FBXO3: variants seen among roughly 807,000 people sequenced by gnomAD.
The protein encoded by FBXO3 is F-box only protein 3.
In FBXO3, 17 loss-of-function variants were observed where a neutral mutation model predicts 64.8. The observed-to-expected ratio is 0.26, with a 90% CI of 0.18 to 0.39. The LOEUF is 0.39. Among genes scored for constraint, FBXO3 ranks in the 10% least tolerant of loss-of-function variants. The pLI, the probability that FBXO3 is intolerant of heterozygous loss-of-function variation, is 1.00. For missense variants in FBXO3, 420 were observed against 589.9 expected, an observed-to-expected ratio of 0.71 and a Z score of 2.98; for synonymous variants, 182 against 201.6, an observed-to-expected ratio of 0.90 and a Z score of 0.82.
At position 33,774,504 on chromosome 11, in the gene FBXO3, T is replaced by C. The variant is rs1855593984; in HGVS notation, c.-7A>G. On this transcript the variant is annotated 5_prime_UTR_variant, in exon 1 of 11. Coordinates refer to ENST00000265651, the MANE Select transcript of FBXO3 (RefSeq NM_012175.4). ...CGGTCTCCATGGCCGCCATCTTGCC[T>C]GGCCCGGTGCAGGTCTGGCCCCGCC... The C allele has an allele frequency of 1.3e-6, 2 of 1,535,904 alleles. No individual in the cohort carries two copies. Among genetic ancestry groups the C allele is most frequent in the Non-Finnish European group, 1.8e-6 (2 of 1,142,708 alleles).
At position 33,774,514 on chromosome 11, in the gene FBXO3, C is replaced by G. The variant is rs763078724; in HGVS notation, c.-17G>C. 2 of 1,482,062 alleles carry G rather than the reference C, an allele frequency of 1.3e-6. No homozygotes were observed. Among genetic ancestry groups the G allele is most frequent in the Non-Finnish European group, 8.9e-7 (1 of 1,118,136 alleles). The allele number at this position is 1,482,062 out of a possible 1,614,324, so 91.8% of individuals were successfully genotyped here. A position where few individuals can be genotyped will look rare whatever the true frequency, so the allele number is the denominator to read the frequency against. On this transcript the variant is annotated 5_prime_UTR_variant, in exon 1 of 11. Coordinates refer to ENST00000265651, the MANE Select transcript of FBXO3 (RefSeq NM_012175.4). ...GGCCGCCATCTTGCCTGGCCCGGTG[C>G]AGGTCTGGCCCCGCCCTGGCCCCGC...
At chr11:33,752,833 A>C (rs989938607) in intron 6 of FBXO3, among the ~76,000 whole-genome samples, 1 of 152,124 alleles carries the variant, frequency 6.6e-6, no homozygotes, top group South Asian at 2.1e-4. Flanking sequence ...TTGTGGAAAA[A>C]AGTTATATAA....
intron 6 of FBXO3, 27 bp downstream of exon 6, chr11:33,754,428 G>C (rs751733240): frequency 6.5e-7 from 1 of 1,547,150 alleles, no homozygotes; most frequent in African/African-American, 1.4e-5. Context: ...AAGAAGAAGG[G>C]GGAAAAAAGA....
At position 33,751,937 on chromosome 11, in the gene FBXO3, T is replaced by G. The variant is rs77177179; in HGVS notation, c.725-330A>C. On this transcript the variant is annotated intron_variant, in intron 6 of 10. Transcript: ENST00000265651. ...GAATGAAAAGCCTTCTGTCTGTAATTTATTGAACATATAGAACAAAGAAAA... is the reference window on the plus strand; with the variant it reads ...GAATGAAAAGCCTTCTGTCTGTAATGTATTGAACATATAGAACAAAGAAAA... Among the ~76,000 whole-genome samples, 561 of 152,320 alleles carry G rather than the reference T, an allele frequency of 3.7e-3. 2 individuals carry two copies. The highest frequency in any genetic ancestry group is 0.013 in the African/African-American group (525 of 41,564).
intron 6 of FBXO3, chr11:33,753,048 G>C (rs1228576890): frequency 2.6e-5 from 4 of 152,160 alleles, no homozygotes; most frequent in Non-Finnish European, 4.4e-5. Flanking sequence ...CATTTTGTGT[G>C]TTACCAGTCT....
chr11:33,741,763 A>T lies in FBXO3; in HGVS notation c.*145T>A. 1.5e-6 allele frequency: 1 copy of T among 676,126 alleles called. No homozygotes were observed. Among genetic ancestry groups the T allele is most frequent in the Non-Finnish European group, 2.2e-6 (1 of 460,126 alleles). 41.9% of individuals were successfully genotyped at this position (676,126 alleles called of 1,614,324 possible). On this transcript the variant is annotated 3_prime_UTR_variant, in exon 11 of 11. Coordinates refer to ENST00000265651, the MANE Select transcript of FBXO3 (RefSeq NM_012175.4). The stretch of plus-strand genomic sequence containing the variant: ...ACCCAAACAATCCAATTCCTAATGT[A>T]GTGTCACATAGAACCCAGGGCCTGA...
In FBXO3 at chr11:33,765,715, C is replaced by T. The variant is rs568435536; in HGVS notation, c.358+3136G>A. On this transcript the variant is annotated intron_variant, in intron 3 of 10. Transcript: ENST00000265651. ...TTGGATCATGGGGTGGATTTTTTCT[C>T]ATGAATGGTTTAGCATCCTTCCCTT... 4.6e-5 allele frequency among the ~76,000 whole-genome samples: 7 copies of T among 152,230 alleles called. No homozygotes were observed. The South Asian group carries it at 1.5e-3, about 32-fold the overall frequency.
chr11:33,757,336 C>G (rs10836105), intron 4 of FBXO3, among the ~76,000 whole-genome samples: 16,927 of 151,218 alleles, frequency 0.11, 1,386 homozygotes, highest in African/African-American at 0.22. Flanking sequence ...CTACTTTTAC[C>G]CAAAAGTTCC....
At chr11:33,745,350 C>T (rs1011123042) in intron 10 of FBXO3, 12 of 149,634 alleles carry the variant, frequency 8.0e-5, no homozygotes, top group African/African-American at 1.5e-4. Flanking sequence ...AACTGTCAAC[C>T]GATTTGACCT....
chr11:33,746,132 A>G (rs1407220093), intron 10 of FBXO3: 1 of 152,510 alleles, frequency 6.6e-6, no homozygotes, highest in Non-Finnish European at 1.5e-5. Context: ...TCCCACAAAC[A>G]GAACTCTAGC....
At chr11:33,744,709 G>A (rs549143222) in intron 10 of FBXO3, 1 of 152,188 alleles carries the variant, frequency 6.6e-6, no homozygotes, top group South Asian at 2.1e-4. Flanking sequence ...GTTTATTTGT[G>A]GTTAGAAGGA....
At chr11:33,767,244 C>G (rs1855395391) in intron 3 of FBXO3, among the ~76,000 whole-genome samples, 1 of 152,172 alleles carries the variant, frequency 6.6e-6, no homozygotes, top group Non-Finnish European at 1.5e-5. Context: ...TGCTCTATAT[C>G]CAAATCCTGG....
At chr11:33,770,952 C>G in intron 1 of FBXO3, 122 bp from the exon 2 acceptor site, 1 of 699,408 alleles carries the variant, frequency 1.4e-6, no homozygotes, top group South Asian at 2.4e-5. Flanking sequence ...CACTTATTAC[C>G]CTTATAATTA....
At chr11:33,751,668 G>A in intron 6 of FBXO3, 61 bp from the exon 7 acceptor site, 1 of 949,804 alleles carries the variant, frequency 1.1e-6, no homozygotes, top group Non-Finnish European at 1.6e-6. Context: ...AATCTATACA[G>A]GAAACAATTG....
At position 33,741,699 on chromosome 11, in the gene FBXO3, G is replaced by C; in HGVS notation, c.*209C>G. ...ACTGACTCCTGGAAGAGAAAAAAAAGATTCCCATTTCTTCCTCTACCTCAA... is the reference window on the plus strand; with the variant it reads ...ACTGACTCCTGGAAGAGAAAAAAAACATTCCCATTTCTTCCTCTACCTCAA... On this transcript the variant is annotated 3_prime_UTR_variant, in exon 11 of 11. Coordinates refer to ENST00000265651, the MANE Select transcript of FBXO3 (RefSeq NM_012175.4). 2.5e-6 allele frequency: 1 copy of C among 395,040 alleles called. No individual in the cohort carries two copies. Among genetic ancestry groups the C allele is most frequent in the Non-Finnish European group, 4.4e-6 (1 of 227,042 alleles). The allele number at this position is 395,040 out of a possible 1,614,324, so 24.5% of individuals were successfully genotyped here.
At chr11:33,764,996 T>A (rs1027766030) in intron 3 of FBXO3, among the ~76,000 whole-genome samples, 44 of 151,794 alleles carry the variant, frequency 2.9e-4, no homozygotes, top group Non-Finnish European at 7.4e-5. Flanking sequence ...CAAAAAAAAC[T>A]GTCAAGGTCA....
At chr11:33,762,390 C>T (rs1179124183) in intron 3 of FBXO3, among the ~76,000 whole-genome samples, 3 of 152,150 alleles carry the variant, frequency 2.0e-5, no homozygotes, top group South Asian at 2.1e-4. Flanking sequence ...GATCACATAC[C>T]GGACCACAGA....
intron 3 of FBXO3, among the ~76,000 whole-genome samples, chr11:33,759,638 C>T (rs1169255173): frequency 6.6e-6 from 1 of 152,060 alleles, no homozygotes; most frequent in African/African-American, 2.4e-5. Context: ...AATAACATTA[C>T]CCCAAAATTC....
chr11:33,770,619 C>G, intron 2 of FBXO3, 122 bp downstream of exon 2: 1 of 675,794 alleles, frequency 1.5e-6, no homozygotes, highest in Admixed American at 2.2e-5. Flanking sequence ...TACTAGCAGG[C>G]ACGAGAAGAG....
Sources: gnomAD v4.1 joint callset for allele counts (sites outside exome capture counted in the v4.1 genomes callset) on GRCh38, gnomAD v4.1.1 for gene constraint, MANE v1.5 for transcripts, NCBI Gene and HGNC (gene_info 2026-07-23, HGNC 2026-07-21) for gene names.